The following FSTL4 variants were observed in gnomAD, a reference collection of about 807,000 sequenced individuals.
FSTL4 encodes follistatin like 4.
In FSTL4, 28 loss-of-function variants were observed where a neutral mutation model predicts 78.2. That is an observed-to-expected ratio of 0.36 (90% CI 0.27 to 0.49). The LOEUF (loss-of-function observed/expected upper bound fraction) is 0.49, where lower values mean the gene tolerates loss of function less well. Among genes scored for constraint, FSTL4 ranks in the 20% least tolerant of loss-of-function variants. FSTL4 has a pLI of 0.98. For missense variants in FSTL4, 922 were observed against 1,084.9 expected (o/e 0.85, Z 2.11); for synonymous variants, 422 against 440.5 (o/e 0.96, Z 0.53).
intron 6 of FSTL4, among the ~76,000 whole-genome samples, chr5:133,260,601 G>A (rs982367131): frequency 3.9e-5 from 6 of 152,090 alleles, no homozygotes; most frequent in Non-Finnish European, 5.9e-5. Context: ...CTCTAAGCAC[G>A]GCTCCCAGGG....
chr5:133,281,023 G>A (rs1752995715), intron 6 of FSTL4, among the ~76,000 whole-genome samples: 1 of 152,162 alleles, frequency 6.6e-6, no homozygotes, highest in South Asian at 2.1e-4. Flanking sequence ...ACCATTAAAT[G>A]CCAGCAGCCT....
At chr5:133,276,717 C>T (rs138019348) in intron 6 of FSTL4, among the ~76,000 whole-genome samples, 5 of 152,244 alleles carry the variant, frequency 3.3e-5, no homozygotes, top group East Asian at 1.9e-4. Flanking sequence ...CAATTTGATG[C>T]GAAGAGATAG....
intron 3 of FSTL4, among the ~76,000 whole-genome samples, chr5:133,478,992 T>A (rs551868367): frequency 6.6e-6 from 1 of 152,186 alleles, no homozygotes; most frequent in Non-Finnish European, 1.5e-5. Context: ...TAAAGTGAAA[T>A]GTATTTGGAT....
At chr5:133,247,894 A>C (rs1312031675) in intron 7 of FSTL4, 2 of 152,300 alleles carry the variant, frequency 1.3e-5, no homozygotes, top group Non-Finnish European at 2.9e-5. Flanking sequence ...TGCTTCCCCC[A>C]TGACCCCCAG....
At chr5:133,548,082 A>T (rs2112925811) in intron 3 of FSTL4, among the ~76,000 whole-genome samples, 1 of 152,192 alleles carries the variant, frequency 6.6e-6, no homozygotes, top group South Asian at 2.1e-4. Context: ...TGCATTTAGG[A>T]CCCTCCCAGA....
At chr5:133,579,176 C>T (rs1226609604) in intron 2 of FSTL4, among the ~76,000 whole-genome samples, 1 of 152,238 alleles carries the variant, frequency 6.6e-6, no homozygotes, top group African/African-American at 2.4e-5. Flanking sequence ...CCATCTCCCC[C>T]AGGGTCCACG....
At chr5:133,432,155 C>G (rs1756953345) in intron 3 of FSTL4, among the ~76,000 whole-genome samples, 1 of 152,046 alleles carries the variant, frequency 6.6e-6, no homozygotes, top group South Asian at 2.1e-4. Context: ...GTTTCATTAT[C>G]TTTAAAAAAA....
intron 3 of FSTL4, among the ~76,000 whole-genome samples, chr5:133,510,527 A>G (rs572656895): frequency 6.6e-5 from 10 of 152,234 alleles, no homozygotes; most frequent in African/African-American, 1.9e-4. Context: ...CTACCCAACA[A>G]TGTTCCCAGC....
intron 3 of FSTL4, among the ~76,000 whole-genome samples, chr5:133,498,718 C>CAAAAAAAAAA (rs112128780): frequency 1.6e-5 from 2 of 127,042 alleles, no homozygotes; most frequent in African/African-American, 5.9e-5. Context: ...ACTCAGTCTC[C>CAAAAAAAAAA]AAAAAAAAAA....
chr5:133,672,936 A>G, the FSTL4 span, among the ~76,000 whole-genome samples: 1 of 152,330 alleles, frequency 6.6e-6, no homozygotes, highest in East Asian at 1.9e-4. Context: ...AGTTTTATAC[A>G]TTTAGGGAGA....
the FSTL4 span, among the ~76,000 whole-genome samples, chr5:133,629,563 A>G: frequency 8.2e-4 from 125 of 152,316 alleles, no homozygotes; most frequent in African/African-American, 2.7e-3. Flanking sequence ...ATTCTACCAG[A>G]GGTACAAAGA....
intron 6 of FSTL4, among the ~76,000 whole-genome samples, chr5:133,292,375 C>G (rs1271269905): frequency 1.3e-5 from 2 of 152,070 alleles, no homozygotes; most frequent in African/African-American, 4.8e-5. Flanking sequence ...TCCTCCAGGC[C>G]CCAGTCCTCC....
chr5:133,706,239 A>T, the FSTL4 span, among the ~76,000 whole-genome samples: 2 of 152,206 alleles, frequency 1.3e-5, no homozygotes, highest in East Asian at 3.8e-4. Context: ...AACAAAATTC[A>T]TATCAATTAT....
At chr5:133,470,273 T>C in intron 3 of FSTL4, among the ~76,000 whole-genome samples, 1 of 152,074 alleles carries the variant, frequency 6.6e-6, no homozygotes, top group African/African-American at 2.4e-5. Context: ...GAACAAACAA[T>C]GACAGCTGAC....
chr5:133,357,708 C>A (rs1754970478), intron 4 of FSTL4, among the ~76,000 whole-genome samples: 1 of 152,172 alleles, frequency 6.6e-6, no homozygotes, highest in Non-Finnish European at 1.5e-5. Context: ...TTGCCTACCT[C>A]ATTTCTTAAG....
the FSTL4 span, among the ~76,000 whole-genome samples, chr5:133,652,770 C>A: frequency 6.6e-6 from 1 of 152,152 alleles, no homozygotes; most frequent in Admixed American, 6.5e-5. Flanking sequence ...AAGGACCACA[C>A]TTATTCTGGT....
chr5:133,598,820 GGTGA>G (rs1166947148), intron 2 of FSTL4, among the ~76,000 whole-genome samples: 1 of 152,216 alleles, frequency 6.6e-6, no homozygotes, highest in Admixed American at 6.5e-5. Flanking sequence ...AATTTGCAAT[GGTGA>G]GTATCACAAG....
At chr5:133,686,695 G>T in the FSTL4 span, among the ~76,000 whole-genome samples, 2 of 152,166 alleles carry the variant, frequency 1.3e-5, no homozygotes, top group Non-Finnish European at 2.9e-5. Flanking sequence ...TTCAGGTCAG[G>T]GGATAAGGGA....
intron 4 of FSTL4, among the ~76,000 whole-genome samples, chr5:133,341,355 A>G (rs1184890018): frequency 6.6e-6 from 1 of 151,920 alleles, no homozygotes; most frequent in Non-Finnish European, 1.5e-5. Context: ...GACAAGGTCA[A>G]GGTGACTCCC....
Sources: gnomAD v4.1 joint callset for allele counts (sites outside exome capture counted in the v4.1 genomes callset) on GRCh38, gnomAD v4.1.1 for gene constraint, MANE v1.5 for transcripts, NCBI Gene and HGNC (gene_info 2026-07-23, HGNC 2026-07-21) for gene names.